The following SLC25A21 variants were observed in gnomAD, a reference collection of about 807,000 sequenced individuals.
The protein encoded by SLC25A21 is mitochondrial 2-oxodicarboxylate carrier.
SLC25A21 carries 47 observed loss-of-function variants against 43.8 expected under a neutral mutation model. That is an observed-to-expected ratio of 1.07 (90% CI 0.85 to 1.37). SLC25A21 has a LOEUF of 1.37. Ranked by LOEUF, SLC25A21 falls within the 40% of genes most tolerant of loss-of-function variation. The probability of loss-of-function intolerance (pLI) is 0.00; values close to 1 mark genes in which losing one functional copy is unlikely to be tolerated. For missense variants in SLC25A21, 352 were observed against 350.2 expected, an observed-to-expected ratio of 1.00 and a Z score of -0.04; for synonymous variants, 131 against 121.3, an observed-to-expected ratio of 1.08 and a Z score of -0.52.
intron 1 of SLC25A21, among the ~76,000 whole-genome samples, chr14:37,077,756 A>G (rs1385473332): frequency 6.6e-6 from 1 of 152,182 alleles, no homozygotes; most frequent in Non-Finnish European, 1.5e-5. Flanking sequence ...ACATGAGAAT[A>G]TTAATATAAT....
intron 3 of SLC25A21, among the ~76,000 whole-genome samples, chr14:36,809,878 GA>G (rs1394789478): frequency 1.3e-5 from 2 of 152,160 alleles, no homozygotes; most frequent in African/African-American, 4.8e-5. Context: ...ACCTGAGTAG[GA>G]AAGACATCTT....
At chr14:36,847,319 A>G (rs1889577609) in intron 2 of SLC25A21, among the ~76,000 whole-genome samples, 2 of 152,200 alleles carry the variant, frequency 1.3e-5, no homozygotes, top group Admixed American at 6.5e-5. Context: ...CCCAGCCATC[A>G]GAGATGTAAA....
chr14:36,882,888 C>T (rs1362423445), intron 1 of SLC25A21, among the ~76,000 whole-genome samples: 1 of 151,930 alleles, frequency 6.6e-6, no homozygotes, highest in African/African-American at 2.4e-5. Context: ...GCTTCCGTCT[C>T]TCTCACAACT....
intron 2 of SLC25A21, among the ~76,000 whole-genome samples, chr14:36,872,519 G>A (rs1399552550): frequency 6.6e-6 from 1 of 152,170 alleles, no homozygotes; most frequent in Non-Finnish European, 1.5e-5. Flanking sequence ...GTGCCTAGGT[G>A]ATAAATCCTA....
chr14:37,070,906 G>C (rs1288741288), intron 1 of SLC25A21, among the ~76,000 whole-genome samples: 1 of 152,178 alleles, frequency 6.6e-6, no homozygotes, highest in African/African-American at 2.4e-5. Flanking sequence ...ATCCTGGGCT[G>C]CTTTGCTCAC....
At chr14:36,946,033 T>C (rs1033210823) in intron 1 of SLC25A21, among the ~76,000 whole-genome samples, 6 of 152,222 alleles carry the variant, frequency 3.9e-5, no homozygotes, top group Admixed American at 6.5e-5. Context: ...ATTATGTGAA[T>C]GCTTCCGTTA....
chr14:36,951,778 C>G (rs982987669), intron 1 of SLC25A21, among the ~76,000 whole-genome samples: 3 of 152,090 alleles, frequency 2.0e-5, no homozygotes, highest in African/African-American at 7.2e-5. Context: ...TCTAGGTTAT[C>G]CAGAGATCAC....
chr14:36,769,168 C>G (rs1397199296), intron 3 of SLC25A21, among the ~76,000 whole-genome samples: 4 of 152,172 alleles, frequency 2.6e-5, no homozygotes, highest in Non-Finnish European at 5.9e-5. Context: ...ATAACACACT[C>G]TATTTGGCAG....
In SLC25A21 at chr14:36,740,824, A is replaced by T. The variant is rs546003758; in HGVS notation, c.204-6251T>A. 4.6e-5 allele frequency among the ~76,000 whole-genome samples: 7 copies of T among 152,286 alleles called. No individual in the cohort carries two copies. In the East Asian group the frequency reaches 1.4e-3, roughly 29 times the overall value. ...AGATGCCTTCTTATTGTCTCTCATT[A>T]GTAGGGTCCAGTTTTAGGTTACCCT... On this transcript the variant is annotated intron_variant, in intron 3 of 9. Transcript: ENST00000331299.
intron 1 of SLC25A21, among the ~76,000 whole-genome samples, chr14:37,011,032 G>C (rs1158236361): frequency 5.3e-5 from 8 of 152,122 alleles, no homozygotes; most frequent in Non-Finnish European, 1.2e-4. Context: ...AACTACAGGT[G>C]CGTGCCACCC....
chr14:36,735,840 C>A (rs1303515294), intron 3 of SLC25A21, among the ~76,000 whole-genome samples: 1 of 146,216 alleles, frequency 6.8e-6, no homozygotes, highest in East Asian at 2.0e-4. Flanking sequence ...TGTATATAAC[C>A]AGGACACAAA....
intron 1 of SLC25A21, among the ~76,000 whole-genome samples, chr14:37,167,446 A>C (rs1190138987): frequency 6.6e-6 from 1 of 151,174 alleles, no homozygotes; most frequent in Non-Finnish European, 1.5e-5. Flanking sequence ...CTAACCTCCA[A>C]GCTGTCCTTG....
At chr14:36,920,533 A>G (rs903403327) in intron 1 of SLC25A21, among the ~76,000 whole-genome samples, 5 of 152,062 alleles carry the variant, frequency 3.3e-5, no homozygotes, top group Non-Finnish European at 7.4e-5. Context: ...ATATTGGGCC[A>G]TTGCTAAGCA....
chr14:36,931,590 G>A (rs991195584), intron 1 of SLC25A21, among the ~76,000 whole-genome samples: 2 of 152,150 alleles, frequency 1.3e-5, no homozygotes, highest in African/African-American at 4.8e-5. Flanking sequence ...AGACAATGGG[G>A]AGCCATTCAA....
At chr14:36,960,101 G>GT (rs781279276) in intron 1 of SLC25A21, among the ~76,000 whole-genome samples, 3 of 152,112 alleles carry the variant, frequency 2.0e-5, no homozygotes, top group East Asian at 3.9e-4. Flanking sequence ...GTATCTTTTT[G>GT]TTTTTTAGTT....
chr14:36,759,901 G>A (rs1218751880), intron 3 of SLC25A21, among the ~76,000 whole-genome samples: 2 of 152,136 alleles, frequency 1.3e-5, no homozygotes, highest in Non-Finnish European at 2.9e-5. Context: ...CCAGGAGGCG[G>A]AGATTGCAGT....
At position 37,148,416 on chromosome 14, in the gene SLC25A21, C is replaced by T. The variant is rs1272122596; in HGVS notation, c.70+23865G>A. The stretch of plus-strand genomic sequence containing the variant: ...GCATGAGATCATCTTCATTTAGATA[C>T]ACCATAGGTCAAAACACAGATGTTT... On this transcript the variant is annotated intron_variant, in intron 1 of 9. Transcript: ENST00000331299. Among the ~76,000 whole-genome samples, 3 of 152,108 alleles carry T rather than the reference C, an allele frequency of 2.0e-5. No homozygotes were observed. The South Asian group carries it at 6.2e-4, about 31-fold the overall frequency.
At chr14:36,783,550 G>C (rs1818275292) in intron 3 of SLC25A21, among the ~76,000 whole-genome samples, 1 of 152,138 alleles carries the variant, frequency 6.6e-6, no homozygotes, top group Admixed American at 6.6e-5. Context: ...ACATAGCTGG[G>C]AGAGCCAGGC....
At chr14:36,689,484 C>A (rs976281660) in intron 7 of SLC25A21, among the ~76,000 whole-genome samples, 1 of 152,128 alleles carries the variant, frequency 6.6e-6, no homozygotes, top group Non-Finnish European at 1.5e-5. Flanking sequence ...ATTTTCCCTA[C>A]CAATATGTTT....
Sources: gnomAD v4.1 joint callset for allele counts (sites outside exome capture counted in the v4.1 genomes callset) on GRCh38, gnomAD v4.1.1 for gene constraint, MANE v1.5 for transcripts, NCBI Gene and HGNC (gene_info 2026-07-23, HGNC 2026-07-21) for gene names.